Variants in PHOX2B observed in about 807,000 individuals in gnomAD.
PHOX2B encodes the protein paired like homeobox 2B, also known as paired mesoderm homeobox protein 2B.
In PHOX2B, 1 loss-of-function variant was observed where a neutral mutation model predicts 15.5. The observed-to-expected ratio is 0.06, with a 90% CI of 0.02 to 0.31. PHOX2B has a LOEUF of 0.31. PHOX2B is among the 10% of genes least tolerant of loss of function. PHOX2B has a pLI of 1.00. For missense variants in PHOX2B, 314 were observed against 436.4 expected, an observed-to-expected ratio of 0.72 and a Z score of 2.50; for synonymous variants, 206 against 190.5, an observed-to-expected ratio of 1.08 and a Z score of -0.67.
rs775101470 is a variant in PHOX2B, at chr4:41,748,569, G to A, written c.42C>T (p.Tyr14=). ...MEYSYLNSSA[Y]ESCMAGMDTS... ...TGTCCATCCCAGCCATACAGGACTCGTAGGCAGAGGAATTGAGGTAAGAAT... is the reference window on the plus strand; with the variant it reads ...TGTCCATCCCAGCCATACAGGACTCATAGGCAGAGGAATTGAGGTAAGAAT... The change falls in exon 1 of 3, where the codon TAC becomes TAT. Residue 14 remains tyrosine (Y), a synonymous_variant. Transcript: ENST00000226382. 1 of 1,612,718 alleles carries A rather than the reference G, an allele frequency of 6.2e-7. No homozygotes were observed. The highest frequency in any genetic ancestry group is 8.5e-7 in the Non-Finnish European group (1 of 1,178,668).
Position 41,747,650 on chromosome 4 carries a change from C to A in PHOX2B, c.242-114G>T, listed in dbSNP as rs745923374. On this transcript the variant is annotated intron_variant, in intron 1 of 2. Coordinates refer to ENST00000226382, the MANE Select transcript of PHOX2B (RefSeq NM_003924.4). ...GTCATACGGCAGCCGCTACCTACAC[C>A]CGCGCGAGAGAGTTGCCGAGAGAAG... 218 of 864,508 alleles carry A rather than the reference C, an allele frequency of 2.5e-4. No homozygotes were observed. The highest frequency in any genetic ancestry group is 3.5e-4 in the Non-Finnish European group (179 of 516,072). 53.6% of individuals were successfully genotyped at this position (864,508 alleles called of 1,614,324 possible). A position where few individuals can be genotyped will look rare whatever the true frequency, so the allele number is the denominator to read the frequency against.
Position 41,748,384 on chromosome 4 carries a change from C to G in PHOX2B, c.227G>C (p.Ser76Thr), listed in dbSNP as rs532711949. 5.3e-5 allele frequency: 85 copies of G among 1,614,194 alleles called. No individual in the cohort carries two copies. The Admixed American group carries it at 6.7e-4, about 13-fold the overall frequency. Residue 76 changes from serine to threonine, a missense_variant, in exon 1 of 3, where the codon AGT becomes ACT. Coordinates refer to ENST00000226382, the MANE Select transcript of PHOX2B (RefSeq NM_003924.4). The stretch of plus-strand genomic sequence containing the variant: ...AAGGTCCTTACCTGCGGCGTACGGA[C>G]TGCTCTGGTGGTCCCTGAGGGTGCC... ...SLGTLRDHQS[S>T]PYAAVPYKLF...
chr4:41,747,859 G>GA, intron 1 of PHOX2B: 1 of 534,724 alleles, frequency 1.9e-6, no homozygotes, highest in South Asian at 1.7e-5. Context: ...ACATCAGTCG[G>GA]AATATCAGGG....
In PHOX2B at chr4:41,745,524, T is replaced by C. The variant is rs1733854491; in HGVS notation, c.*283A>G. 7.5e-6 allele frequency: 3 copies of C among 400,908 alleles called. No homozygotes were observed. Among genetic ancestry groups the C allele is most frequent in the Non-Finnish European group, 9.1e-6 (2 of 220,512 alleles). The allele number at this position is 400,908 out of a possible 1,614,324, so 24.8% of individuals were successfully genotyped here. Reference sequence around the variant, plus strand: ...AGGCCGCGCTGCTCACAACCCCCGATCAGCAGGCGGAGCCCTGGCCCCGCT... The same window carrying C: ...AGGCCGCGCTGCTCACAACCCCCGACCAGCAGGCGGAGCCCTGGCCCCGCT... On this transcript the variant is annotated 3_prime_UTR_variant, in exon 3 of 3. Transcript: ENST00000226382. The surrounding 1 kb of genome is among the most constrained non-coding windows in gnomAD (Gnocchi z 4.0).
intron 1 of PHOX2B, 83 bp from the exon 2 acceptor site, chr4:41,747,619 G>A (rs183536565): frequency 1.7e-6 from 2 of 1,175,834 alleles, no homozygotes; most frequent in East Asian, 2.3e-5. Context: ...AGGACTCCAA[G>A]GTCAGGTCAT....
intron 2 of PHOX2B, among the ~76,000 whole-genome samples, chr4:41,746,670 C>T (rs893349123): frequency 1.3e-5 from 2 of 152,176 alleles, no homozygotes; most frequent in African/African-American, 4.8e-5. Flanking sequence ...GCCATTCACC[C>T]CTAAGCCTAA....
chr4:41,748,554 A>G lies in PHOX2B; in HGVS notation c.57T>C (p.Ala19=), dbSNP rs745833730. Residue 19 remains alanine, a synonymous_variant, in exon 1 of 3, where the codon GCT becomes GCC. Transcript: ENST00000226382. ...AAGCCAGGCTCGAGGTGTCCATCCCAGCCATACAGGACTCGTAGGCAGAGG... is the reference window on the plus strand; with the variant it reads ...AAGCCAGGCTCGAGGTGTCCATCCCGGCCATACAGGACTCGTAGGCAGAGG... ...LNSSAYESCM[A]GMDTSSLASA... is the part of the protein sequence containing the mutation. 3.1e-6 allele frequency: 5 copies of G among 1,613,770 alleles called. No homozygotes were observed. The highest frequency in any genetic ancestry group is 2.7e-5 in the African/African-American group (2 of 74,952).
At chr4:41,746,422 G>T in intron 2 of PHOX2B, 100 bp from the exon 3 acceptor site, 2 of 1,149,938 alleles carry the variant, frequency 1.7e-6, no homozygotes, top group Non-Finnish European at 2.5e-6. Context: ...ACTTCGGCTT[G>T]TTTTAACACC....
Position 41,745,627 on chromosome 4 carries a change from G to A in PHOX2B, c.*180C>T, listed in dbSNP as rs1733858296. 1 of 727,936 alleles carries A rather than the reference G, an allele frequency of 1.4e-6. No individual in the cohort carries two copies. Among genetic ancestry groups the A allele is most frequent in the East Asian group, 3.2e-5 (1 of 31,216 alleles). The allele number at this position is 727,936 out of a possible 1,614,324, so 45.1% of individuals were successfully genotyped here. ...GGTTGAGGAAGGGGGTAGGAGTGGG[G>A]TTGAAATGAGGGCGACGCCGTTTTC... On this transcript the variant is annotated 3_prime_UTR_variant, in exon 3 of 3. Coordinates refer to ENST00000226382, the MANE Select transcript of PHOX2B (RefSeq NM_003924.4). This position sits in a 1 kb window ranked among gnomAD's most constrained non-coding sequence, Gnocchi z 4.0.
At position 41,744,180 on chromosome 4, in the gene PHOX2B, C is replaced by T. The variant is rs886059411; in HGVS notation, c.*1627G>A. On this transcript the variant is annotated 3_prime_UTR_variant, in exon 3 of 3. Transcript: ENST00000226382. ...GAAATATTTCCCTTTTAAATAGAAG[C>T]ATTCATTATAACACATATAAATAAA... The T allele has an allele frequency of 4.5e-5, 9 of 202,130 alleles. No individual in the cohort carries two copies. The highest frequency in any genetic ancestry group is 7.1e-5 in the Non-Finnish European group (7 of 98,238). The allele number at this position is 202,130 out of a possible 1,614,324, so 12.5% of individuals were successfully genotyped here.
rs1733821630 is a variant in PHOX2B, at chr4:41,744,425, C to G, written c.*1382G>C. The G allele has an allele frequency of 8.6e-6, 2 of 231,440 alleles. No individual in the cohort carries two copies. Among genetic ancestry groups the G allele is most frequent in the South Asian group, 1.8e-4 (1 of 5,500 alleles). The allele number at this position is 231,440 out of a possible 1,614,324, so 14.3% of individuals were successfully genotyped here. A position where few individuals can be genotyped will look rare whatever the true frequency, so the allele number is the denominator to read the frequency against. Reference sequence around the variant, plus strand: ...AGAAGAGAAAAACATTATACGGTCACGTAGAGGAGACAGTCTGCACTGATA... The same window carrying G: ...AGAAGAGAAAAACATTATACGGTCAGGTAGAGGAGACAGTCTGCACTGATA... On this transcript the variant is annotated 3_prime_UTR_variant, in exon 3 of 3. Coordinates refer to ENST00000226382, the MANE Select transcript of PHOX2B (RefSeq NM_003924.4).
At position 41,745,832 on chromosome 4, in the gene PHOX2B, G is replaced by C. The variant is rs1420729662; in HGVS notation, c.920C>G (p.Ala307Gly). The change falls in exon 3 of 3, where the codon GCC becomes GGC. Residue 307 changes from alanine to glycine, a missense_variant. Transcript: ENST00000226382. This position sits in a 1 kb window ranked among gnomAD's most constrained non-coding sequence, Gnocchi z 4.0. ...TCAGAACATACTGCTCTTCACTAAG[G>C]CGGCTTTGGCACCGTTGGGTCTTTG... ...SLQRPNGAKA[A>G]LVKSSMF 6.2e-7 allele frequency: 1 copy of C among 1,610,066 alleles called. No individual in the cohort carries two copies.
chr4:41,745,981 C>G lies in PHOX2B; in HGVS notation c.771G>C (p.Ala257=), dbSNP rs772835924. The G allele has an allele frequency of 1.6e-6, 2 of 1,257,360 alleles. No individual in the cohort carries two copies. The highest frequency in any genetic ancestry group is 2.0e-6 in the Non-Finnish European group (2 of 1,004,194). 77.9% of individuals were successfully genotyped at this position (1,257,360 alleles called of 1,614,324 possible). Residue 257 remains alanine, a synonymous_variant, in exon 3 of 3, where the codon GCG becomes GCC. Coordinates refer to ENST00000226382, the MANE Select transcript of PHOX2B (RefSeq NM_003924.4). This position sits in a 1 kb window ranked among gnomAD's most constrained non-coding sequence, Gnocchi z 4.0. ...CCGCAGCCAGGCCTCCAGCTGCCGC[C>G]GCTGCCGCTGCCGCCGCCGCCGCTG... ...AAAAAAAAAA[A]AAAGGLAAAG...
chr4:41,746,234 C>T lies in PHOX2B; in HGVS notation c.518G>A (p.Gly173Asp), dbSNP rs866814213. ...AAAAAKNGSS[G>D]KKSDSSRDDE... ...GTCCCTGGAAGAGTCAGACTTTTTG[C>T]CCGAGGAGCCGTTCTTGGCCGCGGC... The change falls in exon 3 of 3, where the codon GGC becomes GAC. Residue 173 changes from glycine (G) to aspartate (D), a missense_variant. Physicochemically the swap from Gly to Asp is moderately conservative, Grantham distance 94. Coordinates refer to ENST00000226382, the MANE Select transcript of PHOX2B (RefSeq NM_003924.4). 6.2e-7 allele frequency: 1 copy of T among 1,613,768 alleles called. No homozygotes were observed. The highest frequency in any genetic ancestry group is 8.5e-7 in the Non-Finnish European group (1 of 1,179,868).
intron 1 of PHOX2B, 65 bp downstream of exon 1, chr4:41,748,288 TTCCATTTTCAAATGCAA>T: frequency 1.3e-6 from 2 of 1,503,946 alleles, no homozygotes. Context: ...CTAAACACAT[TTCCATTTTCAAATGCAA>T]TCAAGGCTTC....
rs955624967 is a variant in PHOX2B at position 41,745,750 on chromosome 4, G to T, written c.*57C>A. On this transcript the variant is annotated 3_prime_UTR_variant, in exon 3 of 3. Transcript: ENST00000226382. This position sits in a 1 kb window ranked among gnomAD's most constrained non-coding sequence, Gnocchi z 4.0. ...GGCCTACCCGCTCGCCCACTCGCCC[G>T]CCCGGGCCCTGGCTCGCCCGCTGTC... The T allele has an allele frequency of 1.9e-6, 3 of 1,562,268 alleles. No homozygotes were observed. Among genetic ancestry groups the T allele is most frequent in the Non-Finnish European group, 2.6e-6 (3 of 1,155,454 alleles).
chr4:41,745,704 G>T lies in PHOX2B; in HGVS notation c.*103C>A. 1 of 1,412,976 alleles carries T rather than the reference G, an allele frequency of 7.1e-7. No individual in the cohort carries two copies. Among genetic ancestry groups the T allele is most frequent in the Non-Finnish European group, 9.5e-7 (1 of 1,052,836 alleles). 87.5% of individuals were successfully genotyped at this position (1,412,976 alleles called of 1,614,324 possible). A position where few individuals can be genotyped will look rare whatever the true frequency, so the allele number is the denominator to read the frequency against. On this transcript the variant is annotated 3_prime_UTR_variant, in exon 3 of 3. Coordinates refer to ENST00000226382, the MANE Select transcript of PHOX2B (RefSeq NM_003924.4). This position sits in a 1 kb window ranked among gnomAD's most constrained non-coding sequence, Gnocchi z 4.0. ...GGCCCTCAATGAAAAAGCCATGGCA[G>T]CAGCGACGACAATAGCCTTGGGCCT...
chr4:41,747,586 G>A, intron 1 of PHOX2B, 50 bp from the exon 2 acceptor site: 1 of 1,501,520 alleles, frequency 6.7e-7, no homozygotes, highest in South Asian at 1.1e-5. Flanking sequence ...CCGGCAGCTC[G>A]CCGGCCGTGG....
rs17879258 is a variant in PHOX2B at position 41,746,113 on chromosome 4, G to A, written c.639C>T (p.Gly213=). 8 of 1,583,966 alleles carry A rather than the reference G, an allele frequency of 5.1e-6. No individual in the cohort carries two copies. The Admixed American group carries it at 1.4e-4, about 27-fold the overall frequency. Residue 213 remains glycine, a synonymous_variant, in exon 3 of 3, where the codon GGC becomes GGT. Coordinates refer to ENST00000226382, the MANE Select transcript of PHOX2B (RefSeq NM_003924.4). The part of the protein sequence containing the change: ...NPTPSCGANG[G]GGGGPSPAGA... ...CAGCCGGGCTGGGCCCGCCGCCGCC[G>A]CCTCCATTCGCCCCGCAGCTGGGGG...
Sources: allele counts gnomAD v4.1 joint callset (sites outside exome capture counted in the v4.1 genomes callset), GRCh38; gene constraint gnomAD v4.1.1; non-coding constraint Gnocchi (gnomAD v3.1); transcripts MANE v1.5; gene names NCBI Gene and HGNC (gene_info 2026-07-23, HGNC 2026-07-21).